Variants in DIAPH2 observed in about 807,000 individuals in gnomAD.
The protein encoded by DIAPH2 is diaphanous related formin 2.
A neutral mutation model predicts 92.7 loss-of-function variants in DIAPH2; 35 were observed. The observed-to-expected ratio is 0.38, with a 90% CI of 0.29 to 0.50. The LOEUF (loss-of-function observed/expected upper bound fraction) is 0.50, where lower values mean the gene tolerates loss of function less well. Ranked by LOEUF, DIAPH2 falls within the 20% of genes least tolerant of loss-of-function variation. The pLI is 0.94. For synonymous variants in DIAPH2, 301 were observed against 280.4 expected (o/e 1.07, Z -0.73); for missense variants, 701 against 819.5 (o/e 0.86, Z 1.77).
chrX:97,564,017 C>T (rs140562371), intron 26 of DIAPH2, among the ~76,000 whole-genome samples: 4 of 112,030 alleles, frequency 3.6e-5, no homozygotes, highest in Non-Finnish European at 7.5e-5. Context: ...TAAAAACAGG[C>T]TGCTGCATCA....
At chrX:97,256,726 G>A (rs112777321) in intron 23 of DIAPH2, among the ~76,000 whole-genome samples, 2,224 of 111,193 alleles carry the variant, frequency 0.02, 34 homozygotes, top group Middle Eastern at 0.028. Context: ...GTGCAGTGGC[G>A]CCATCTCGGC....
intron 1 of DIAPH2, among the ~76,000 whole-genome samples, chrX:96,717,790 T>C (rs1381588172): frequency 1.1e-5 from 1 of 91,056 alleles, no homozygotes; most frequent in African/African-American, 3.9e-5. Flanking sequence ...CTGGTTTATA[T>C]GTTTTTTAAT....
chrX:96,899,523 C>T (rs1042741594), intron 5 of DIAPH2, among the ~76,000 whole-genome samples: 3 of 111,031 alleles, frequency 2.7e-5, no homozygotes, highest in Non-Finnish European at 3.8e-5. Flanking sequence ...ATTTGGCTCT[C>T]TGTTCGTCTG....
chrX:96,751,770 C>T (rs1211800885), intron 3 of DIAPH2, among the ~76,000 whole-genome samples: 11 of 82,216 alleles, frequency 1.3e-4, no homozygotes, highest in African/African-American at 4.2e-4. Flanking sequence ...TCTCCTGCCT[C>T]AGCCTCCCAA....
intron 23 of DIAPH2, among the ~76,000 whole-genome samples, chrX:97,266,509 C>G (rs990531700): frequency 9.8e-5 from 11 of 111,686 alleles, no homozygotes; most frequent in African/African-American, 3.6e-4. Context: ...GGCAAGATGT[C>G]TAATATAAAG....
intron 4 of DIAPH2, among the ~76,000 whole-genome samples, chrX:96,849,961 T>C (rs1459971365): frequency 3.8e-5 from 1 of 26,055 alleles, no homozygotes. Context: ...AGAAAAGACT[T>C]TTTTTTTTTA....
chrX:97,381,048 G>C (rs1241829193), intron 24 of DIAPH2, among the ~76,000 whole-genome samples: 1 of 111,344 alleles, frequency 9.0e-6, no homozygotes, highest in Non-Finnish European at 1.9e-5. Context: ...TGTTGTTTTA[G>C]TGGTGCCTTT....
chrX:96,821,191 G>A (rs1298098587), intron 4 of DIAPH2, among the ~76,000 whole-genome samples: 2 of 112,266 alleles, frequency 1.8e-5, no homozygotes, highest in African/African-American at 6.5e-5. Context: ...TGCTTTCTGA[G>A]TAGCCAGTCC....
chrX:97,459,379 C>G (rs1234216711), intron 26 of DIAPH2, among the ~76,000 whole-genome samples: 2 of 112,123 alleles, frequency 1.8e-5, no homozygotes, highest in East Asian at 5.6e-4. Flanking sequence ...ACCTTTCTGC[C>G]TCAGTATTCT....
At chrX:96,775,555 G>A (rs1048843385) in intron 4 of DIAPH2, among the ~76,000 whole-genome samples, 1 of 111,151 alleles carries the variant, frequency 9.0e-6, no homozygotes, top group Non-Finnish European at 1.9e-5. Context: ...AACATCTTGA[G>A]TGTTCACCTG....
At chrX:97,577,403 A>G (rs1273776992) in intron 26 of DIAPH2, among the ~76,000 whole-genome samples, 2 of 112,079 alleles carry the variant, frequency 1.8e-5, no homozygotes, top group Non-Finnish European at 3.8e-5. Flanking sequence ...CCATCCCAGA[A>G]CTCTCCTCTT....
intron 21 of DIAPH2, among the ~76,000 whole-genome samples, chrX:97,137,574 G>C (rs1276003892): frequency 1.8e-5 from 2 of 109,994 alleles, no homozygotes; most frequent in Non-Finnish European, 3.8e-5. Context: ...CTTCAGAAAT[G>C]ACATGGGAGT....
intron 17 of DIAPH2, among the ~76,000 whole-genome samples, chrX:97,001,576 G>A (rs867513761): frequency 1.8e-5 from 2 of 111,034 alleles, no homozygotes; most frequent in Non-Finnish European, 3.8e-5. Context: ...AACCTGGGAG[G>A]CGGAGGTTGC....
chrX:97,486,174 T>A lies in DIAPH2; in HGVS notation c.3241+56429T>A, dbSNP rs761336634. Among the ~76,000 whole-genome samples, 7 of 111,830 alleles carry A rather than the reference T, an allele frequency of 6.3e-5. No homozygotes were observed. The South Asian group carries it at 2.6e-3, about 42-fold the overall frequency. On this transcript the variant is annotated intron_variant, in intron 26 of 26. Coordinates refer to ENST00000324765, the MANE Select transcript of DIAPH2 (RefSeq NM_006729.5). ...AAAAATATTGATGGAAATGGCAATGTCTTTCATAATTATTATTCAATTGCA... is the reference window on the plus strand; with the variant it reads ...AAAAATATTGATGGAAATGGCAATGACTTTCATAATTATTATTCAATTGCA...
At chrX:97,409,869 G>T (rs1472529543) in intron 25 of DIAPH2, among the ~76,000 whole-genome samples, 1 of 112,730 alleles carries the variant, frequency 8.9e-6, no homozygotes, top group Non-Finnish European at 1.9e-5. Context: ...AGTGGCTGGG[G>T]AAGCTCGAAC....
intron 17 of DIAPH2, among the ~76,000 whole-genome samples, chrX:97,047,311 G>A (rs1387149379): frequency 9.1e-6 from 1 of 110,418 alleles, no homozygotes; most frequent in East Asian, 2.8e-4. Flanking sequence ...AATGGATTCC[G>A]TTGTGTTTAT....
intron 26 of DIAPH2, among the ~76,000 whole-genome samples, chrX:97,497,715 A>T (rs2147827176): frequency 9.1e-6 from 1 of 110,359 alleles, no homozygotes; most frequent in Admixed American, 9.8e-5. Context: ...CTGCAGCAGG[A>T]GAATTGCTTG....
intron 22 of DIAPH2, among the ~76,000 whole-genome samples, chrX:97,204,323 G>C (rs1209452123): frequency 1.8e-5 from 2 of 111,310 alleles, no homozygotes; most frequent in Non-Finnish European, 3.8e-5. Flanking sequence ...TTCTGGCCAG[G>C]GCAATCAGGC....
At position 97,348,105 on chromosome X, in the gene DIAPH2, C is replaced by A. The variant is rs747402239; in HGVS notation, c.2845-11C>A. On this transcript the variant is annotated splice_polypyrimidine_tract_variant and intron_variant, in intron 23 of 26. Coordinates refer to ENST00000324765, the MANE Select transcript of DIAPH2 (RefSeq NM_006729.5). The stretch of plus-strand genomic sequence containing the variant: ...GGTACTGTTGAGCCATGTTCCTTAA[C>A]AAAAAGCTACAGCTTTACAAAGACT... The A allele has an allele frequency of 2.0e-5, 24 of 1,207,529 alleles. No individual in the cohort carries two copies. The highest frequency in any genetic ancestry group is 2.7e-5 in the Non-Finnish European group (24 of 893,860).
Sources: gnomAD v4.1 joint callset for allele counts (sites outside exome capture counted in the v4.1 genomes callset) on GRCh38, gnomAD v4.1.1 for gene constraint, MANE v1.5 for transcripts, NCBI Gene and HGNC (gene_info 2026-07-23, HGNC 2026-07-21) for gene names.